The following SEPTIN10 variants were observed in gnomAD, a reference collection of about 807,000 sequenced individuals.
SEPTIN10 encodes the protein septin 10, also known as septin-10.
SEPTIN10 carries 66 observed loss-of-function variants against 54.8 expected under a neutral mutation model. The ratio of observed to expected loss-of-function variants is 1.21; its 90% confidence interval spans 0.99 to 1.48. SEPTIN10 has a LOEUF of 1.48. Ranked by LOEUF, SEPTIN10 falls within the 40% of genes most tolerant of loss-of-function variation. The pLI is 0.00. For missense variants in SEPTIN10, 620 were observed against 545.6 expected (o/e 1.14, Z -1.36); for synonymous variants, 161 against 181.0 (o/e 0.89, Z 0.89).
chr2:109,548,988 G>A (rs1682122887), intron 9 of SEPTIN10, among the ~76,000 whole-genome samples: 1 of 152,004 alleles, frequency 6.6e-6, no homozygotes, highest in African/African-American at 2.4e-5. Flanking sequence ...ATCGATTAAG[G>A]CCCTCCTAAC....
chr2:109,607,435 T>C (rs1293417901), intron 1 of SEPTIN10, among the ~76,000 whole-genome samples: 2 of 152,152 alleles, frequency 1.3e-5, no homozygotes, highest in African/African-American at 4.8e-5. Flanking sequence ...GGGCAGTACC[T>C]GTATTATCTC....
At position 109,565,799 on chromosome 2, in the gene SEPTIN10, C is replaced by T. The variant is rs1299138734; in HGVS notation, c.823G>A (p.Val275Ile). The change falls in exon 7 of 11, where the codon GTC becomes ATC. Residue 275 changes from valine (V) to isoleucine (I), a missense_variant. Transcript: ENST00000397712. ...CCCCAAGGGTACTGGCGAGCTTTGA[C>T]CATCTTGTTTCCGACTTTTACCTCA... ...MDEVKVGNKM[V>I]KARQYPWGVV... The T allele has an allele frequency of 6.2e-7, 1 of 1,613,956 alleles. No individual in the cohort carries two copies. Among genetic ancestry groups the T allele is most frequent in the African/African-American group, 1.3e-5 (1 of 74,890 alleles).
intron 8 of SEPTIN10, among the ~76,000 whole-genome samples, chr2:109,563,917 T>G (rs555436408): frequency 6.6e-6 from 1 of 152,236 alleles, no homozygotes; most frequent in African/African-American, 2.4e-5. Flanking sequence ...GGCCAGGAGT[T>G]TGAGACCAGC....
chr2:109,585,811 T>C lies in SEPTIN10; in HGVS notation c.127A>G (p.Met43Val), dbSNP rs760434343. Residue 43 changes from methionine (M) to valine (V), a missense_variant, in exon 3 of 11, where the codon ATG becomes GTG. Coordinates refer to ENST00000397712, the MANE Select transcript of SEPTIN10 (RefSeq NM_144710.5). Reference protein sequence around the residue: ...IKRENIRSLTMSGHVGFESLP... With the variant: ...IKRENIRSLTVSGHVGFESLP... ...CTCTCAAAACCAACATGGCCAGACA[T>C]AGTCAACGAACGAATGTTTTCTCTT... 20 of 1,613,782 alleles carry C rather than the reference T, an allele frequency of 1.2e-5. No homozygotes were observed. The highest frequency in any genetic ancestry group is 1.2e-4 in the Admixed American group (7 of 59,984).
At chr2:109,559,051 A>G (rs1402829725) in intron 8 of SEPTIN10, among the ~76,000 whole-genome samples, 1 of 152,046 alleles carries the variant, frequency 6.6e-6, no homozygotes, top group Non-Finnish European at 1.5e-5. Context: ...ACACCCGGCT[A>G]ATTTTTGTAT....
intron 4 of SEPTIN10, among the ~76,000 whole-genome samples, chr2:109,582,070 C>G (rs1383930229): frequency 1.0e-5 from 1 of 100,350 alleles, no homozygotes; most frequent in Non-Finnish European, 2.0e-5. Flanking sequence ...ATGCCATGTA[C>G]AACAGACACA....
chr2:109,557,851 C>G (rs866142749), intron 8 of SEPTIN10, among the ~76,000 whole-genome samples: 1 of 140,806 alleles, frequency 7.1e-6, no homozygotes, highest in Admixed American at 7.2e-5. Flanking sequence ...TCATAATTTT[C>G]TTTTTTTTTT....
chr2:109,568,474 C>T (rs1476514476), intron 5 of SEPTIN10, among the ~76,000 whole-genome samples: 2 of 150,300 alleles, frequency 1.3e-5, no homozygotes, highest in Non-Finnish European at 2.9e-5. Flanking sequence ...TGGGTTCAAG[C>T]GATTCTCTTC....
At chr2:109,586,507 G>C (rs1573695363) in intron 2 of SEPTIN10, among the ~76,000 whole-genome samples, 1 of 152,166 alleles carries the variant, frequency 6.6e-6, no homozygotes, top group African/African-American at 2.4e-5. Context: ...TGGAGATTGG[G>C]GCAGGCAGAT....
intron 8 of SEPTIN10, among the ~76,000 whole-genome samples, chr2:109,558,458 G>A (rs1370084805): frequency 1.3e-5 from 2 of 152,168 alleles, no homozygotes; most frequent in African/African-American, 4.8e-5. Context: ...AGTTAAAGGT[G>A]ATTAACTGTG....
rs1414601642 is a variant in SEPTIN10 at position 109,546,090 on chromosome 2, C to T, written c.1309G>A (p.Ala437Thr). The T allele has an allele frequency of 6.2e-7, 1 of 1,603,426 alleles. No homozygotes were observed. The highest frequency in any genetic ancestry group is 1.1e-5 in the South Asian group (1 of 89,614). Reference protein sequence around the residue: ...SEIFHSQSFLATGSNLRKDKD... With the variant: ...SEIFHSQSFLTTGSNLRKDKD... Reference sequence around the variant, plus strand: ...TCCTTCCTCAGGTTGCTGCCTGTTGCCAGAAAGGACTGGCTGTGAAATATC... The same window carrying T: ...TCCTTCCTCAGGTTGCTGCCTGTTGTCAGAAAGGACTGGCTGTGAAATATC... The change falls in exon 10 of 11, where the codon GCA (alanine) becomes ACA (threonine). Residue 437 changes from alanine (A) to threonine (T), a missense_variant. Coordinates refer to ENST00000397712, the MANE Select transcript of SEPTIN10 (RefSeq NM_144710.5).
At chr2:109,557,834 C>G (rs1246590966) in intron 8 of SEPTIN10, among the ~76,000 whole-genome samples, 1 of 150,852 alleles carries the variant, frequency 6.6e-6, no homozygotes, top group African/African-American at 2.4e-5. Context: ...ATAAAAGTAG[C>G]TTGCTGTCAT....
chr2:109,568,961 C>T lies in SEPTIN10; in HGVS notation c.601-985G>A, dbSNP rs367583893. On this transcript the variant is annotated intron_variant, in intron 5 of 10. Coordinates refer to ENST00000397712, the MANE Select transcript of SEPTIN10 (RefSeq NM_144710.5). ...GCAAGAGATTTGGGGTTGTGAAGACCGAATAACTTGTAAATCTAGTTCTAT... is the reference window on the plus strand; with the variant it reads ...GCAAGAGATTTGGGGTTGTGAAGACTGAATAACTTGTAAATCTAGTTCTAT... Among the ~76,000 whole-genome samples the T allele has an allele frequency of 5.3e-5, 8 of 152,186 alleles. 1 individual carries two copies. The highest frequency in any genetic ancestry group is 3.9e-4 in the East Asian group (2 of 5,186).
intron 5 of SEPTIN10, among the ~76,000 whole-genome samples, chr2:109,568,834 A>G (rs952876260): frequency 2.0e-4 from 30 of 152,290 alleles, no homozygotes; most frequent in African/African-American, 6.0e-4. Flanking sequence ...ACTTACTTAG[A>G]CAGCAGAGGA....
chr2:109,580,181 C>CA (rs79534028), intron 4 of SEPTIN10, among the ~76,000 whole-genome samples: 20,777 of 147,822 alleles, frequency 0.14, 1,880 homozygotes, highest in African/African-American at 0.26. Context: ...AACACAGATG[C>CA]AAAAAAAAAC....
chr2:109,605,156 G>A lies in SEPTIN10; in HGVS notation c.30+8642C>T, dbSNP rs145684227. ...CTTGAATTGTTCTACACTGATAAGAGCATTAAAGATTCAGCTTAATTCATC... is the reference window on the plus strand; with the variant it reads ...CTTGAATTGTTCTACACTGATAAGAACATTAAAGATTCAGCTTAATTCATC... On this transcript the variant is annotated intron_variant, in intron 1 of 10. Transcript: ENST00000397712. 2.4e-3 allele frequency among the ~76,000 whole-genome samples: 367 copies of A among 152,286 alleles called. 2 individuals carry two copies. Among genetic ancestry groups the A allele is most frequent in the Non-Finnish European group, 4.7e-3 (322 of 68,020 alleles).
chr2:109,601,972 C>G (rs1294211606), intron 1 of SEPTIN10, among the ~76,000 whole-genome samples: 1 of 152,118 alleles, frequency 6.6e-6, no homozygotes, highest in Non-Finnish European at 1.5e-5. Flanking sequence ...GAGGGAAAAA[C>G]CAGGACCCAT....
chr2:109,592,758 C>T (rs1694362023), intron 2 of SEPTIN10, among the ~76,000 whole-genome samples: 3 of 148,022 alleles, frequency 2.0e-5, no homozygotes, highest in Admixed American at 6.8e-5. Flanking sequence ...CCAGCCTGGG[C>T]GACAGAGCAA....
intron 8 of SEPTIN10, among the ~76,000 whole-genome samples, chr2:109,554,191 T>C (rs1247728227): frequency 6.6e-6 from 1 of 152,188 alleles, no homozygotes; most frequent in African/African-American, 2.4e-5. Flanking sequence ...GCAGTCATTA[T>C]GGTGGAGGTG....
Sources: allele counts gnomAD v4.1 joint callset (sites outside exome capture counted in the v4.1 genomes callset), GRCh38; gene constraint gnomAD v4.1.1; transcripts MANE v1.5; gene names NCBI Gene and HGNC (gene_info 2026-07-23, HGNC 2026-07-21).